Variants in TENM3 observed in about 807,000 individuals in gnomAD.
The protein encoded by TENM3 is teneurin transmembrane protein 3.
Under a neutral mutation model 255.1 loss-of-function variants are expected in TENM3, and 63 were observed. That is an observed-to-expected ratio of 0.25 (90% CI 0.20 to 0.30). The LOEUF is 0.30. Ranked by LOEUF, TENM3 falls within the 10% of genes least tolerant of loss-of-function variation. The pLI, the probability that TENM3 is intolerant of heterozygous loss-of-function variation, is 1.00. For missense variants in TENM3, 2,929 were observed against 3,461.1 expected (o/e 0.85, Z 3.86); for synonymous variants, 1,306 against 1,322.3 (o/e 0.99, Z 0.27).
chr4:182,773,558 CA>C lies in TENM3; in HGVS notation c.4980del (p.Val1661TrpfsTer32). 1 of 1,613,902 alleles carries C rather than the reference CA, an allele frequency of 6.2e-7. No individual in the cohort carries two copies. The highest frequency in any genetic ancestry group is 8.5e-7 in the Non-Finnish European group (1 of 1,179,834). On this transcript the variant is annotated frameshift_variant, in exon 23 of 28. Transcript: ENST00000511685. LOFTEE classifies it high-confidence loss of function. Reference protein sequence around the residue: ...NLHGDMDKAITVDIESSSREE... With the variant: ...NLHGDMDKAIXVDIESSSREE... ...CATGGGGACATGGACAAGGCTATCA[CA>C]GTGGACATTGAGTCATCTAGCCGAG... is the stretch of plus-strand genomic sequence containing the variant.
the TENM3 span, among the ~76,000 whole-genome samples, chr4:181,587,180 C>T: frequency 1.2e-3 from 177 of 152,240 alleles, no homozygotes; most frequent in African/African-American, 4.1e-3. Context: ...TCTATACTCC[C>T]GCACTCTCTC....
the TENM3 span, among the ~76,000 whole-genome samples, chr4:181,786,992 T>A: frequency 6.6e-6 from 1 of 152,236 alleles, no homozygotes; most frequent in East Asian, 1.9e-4. Flanking sequence ...CAAGTAAGAA[T>A]GATCTTTGCC....
the TENM3 span, among the ~76,000 whole-genome samples, chr4:181,520,847 T>C: frequency 3.3e-5 from 5 of 152,172 alleles, no homozygotes; most frequent in Admixed American, 6.5e-5. Context: ...GTTCCAAGCA[T>C]CTGCATGTTT....
chr4:181,528,422 T>C, the TENM3 span, among the ~76,000 whole-genome samples: 1 of 152,134 alleles, frequency 6.6e-6, no homozygotes, highest in Admixed American at 6.5e-5. Flanking sequence ...TGAACAAAAT[T>C]GAAGAGATTT....
the TENM3 span, among the ~76,000 whole-genome samples, chr4:181,957,637 A>G: frequency 1.3e-5 from 2 of 152,198 alleles, no homozygotes; most frequent in Admixed American, 1.3e-4. Context: ...GTAATTTACA[A>G]TGGTGATGGG....
At chr4:181,918,113 C>T in the TENM3 span, among the ~76,000 whole-genome samples, 4 of 152,174 alleles carry the variant, frequency 2.6e-5, no homozygotes, top group African/African-American at 9.6e-5. Flanking sequence ...CAGGAAAGCA[C>T]TGGACAATGC....
At chr4:181,847,178 T>C in the TENM3 span, among the ~76,000 whole-genome samples, 2 of 152,154 alleles carry the variant, frequency 1.3e-5, no homozygotes, top group Non-Finnish European at 2.9e-5. Flanking sequence ...GAAAATCCCA[T>C]CCATATGGAA....
chr4:181,553,599 G>A, the TENM3 span, among the ~76,000 whole-genome samples: 3 of 151,878 alleles, frequency 2.0e-5, no homozygotes, highest in East Asian at 5.9e-4. Flanking sequence ...CTGCCACCAC[G>A]CCCGGCTAAT....
the TENM3 span, among the ~76,000 whole-genome samples, chr4:181,938,273 C>T: frequency 1.3e-5 from 2 of 152,192 alleles, no homozygotes; most frequent in East Asian, 1.9e-4. Flanking sequence ...ATTTGGGGCA[C>T]GTCATAATAC....
chr4:181,837,941 C>T, the TENM3 span, among the ~76,000 whole-genome samples: 1 of 152,028 alleles, frequency 6.6e-6, no homozygotes, highest in Non-Finnish European at 1.5e-5. Flanking sequence ...AGTTTGAGAC[C>T]AGCCTGACCA....
At chr4:182,220,126 C>T (rs897454302) in intron 1 of TENM3, among the ~76,000 whole-genome samples, 4 of 152,130 alleles carry the variant, frequency 2.6e-5, no homozygotes, top group African/African-American at 9.7e-5. Context: ...CCCGAAATCC[C>T]AGCACTTTGG....
chr4:181,717,086 G>A, the TENM3 span, among the ~76,000 whole-genome samples: 1 of 152,178 alleles, frequency 6.6e-6, no homozygotes. Flanking sequence ...GTTAAGGGAT[G>A]TATGGATTTG....
At chr4:182,124,097 G>C in the TENM3 span, among the ~76,000 whole-genome samples, 1 of 152,130 alleles carries the variant, frequency 6.6e-6, no homozygotes, top group African/African-American at 2.4e-5. Flanking sequence ...CGTTATCCAG[G>C]CTGGAGTGCA....
At chr4:182,430,845 C>G (rs1311742154) in intron 3 of TENM3, among the ~76,000 whole-genome samples, 2 of 151,576 alleles carry the variant, frequency 1.3e-5, no homozygotes, top group Admixed American at 1.3e-4. Flanking sequence ...AACCCTGTCT[C>G]TACTAAAAAT....
At chr4:182,769,845 C>T (rs1764038280) in intron 22 of TENM3, among the ~76,000 whole-genome samples, 1 of 152,014 alleles carries the variant, frequency 6.6e-6, no homozygotes, top group Non-Finnish European at 1.5e-5. Context: ...TGGCTCACTC[C>T]TGTAATCTCA....
intron 3 of TENM3, among the ~76,000 whole-genome samples, chr4:182,437,905 T>G (rs1772165720): frequency 6.6e-6 from 1 of 151,820 alleles, no homozygotes; most frequent in Non-Finnish European, 1.5e-5. Flanking sequence ...TGAGCCGAGA[T>G]AGCACCACAG....
At chr4:182,235,916 C>T (rs954288228) in intron 1 of TENM3, among the ~76,000 whole-genome samples, 1 of 152,138 alleles carries the variant, frequency 6.6e-6, no homozygotes, top group Non-Finnish European at 1.5e-5. Flanking sequence ...CTAAAAAATC[C>T]CCTGTCCTCT....
intron 1 of TENM3, among the ~76,000 whole-genome samples, chr4:182,200,688 C>CTGAT (rs1754133399): frequency 6.6e-6 from 1 of 152,078 alleles, no homozygotes; most frequent in Non-Finnish European, 1.5e-5. Context: ...TATAGACAGA[C>CTGAT]TGATAGAGAA....
chr4:181,639,684 G>A, the TENM3 span, among the ~76,000 whole-genome samples: 1 of 152,156 alleles, frequency 6.6e-6, no homozygotes, highest in Non-Finnish European at 1.5e-5. Context: ...AGGTTGCAGT[G>A]GGCCGAGATC....
Sources: gnomAD v4.1 joint callset for allele counts (sites outside exome capture counted in the v4.1 genomes callset) on GRCh38, gnomAD v4.1.1 for gene constraint, MANE v1.5 for transcripts, NCBI Gene and HGNC (gene_info 2026-07-23, HGNC 2026-07-21) for gene names.